CEP162: variants seen among roughly 807,000 people sequenced by gnomAD.
The protein encoded by CEP162 is centrosomal protein 162, also known as centrosomal protein of 162 kDa.
Under a neutral mutation model 169.2 loss-of-function variants are expected in CEP162, and 141 were observed. The observed-to-expected ratio is 0.83, with a 90% CI of 0.73 to 0.96. CEP162 has a LOEUF of 0.96. Among genes scored for constraint, CEP162 ranks in the 40% least tolerant of loss-of-function variants. CEP162 has a pLI of 0.00. For missense variants in CEP162, 1,600 were observed against 1,587.2 expected, an observed-to-expected ratio of 1.01 and a Z score of -0.14; for synonymous variants, 540 against 526.4, an observed-to-expected ratio of 1.03 and a Z score of -0.35.
rs2099544547 is a variant in CEP162 at position 84,201,616 on chromosome 6, T to TATTG, written c.718+120_718+121insCAAT. ...CACATTATTGAGAAAAGCTAGGAAC[T>TATTG]TCAATGCCTTAGAAATATTTAAAAA... On this transcript the variant is annotated intron_variant, in intron 8 of 26. Coordinates refer to ENST00000403245, the MANE Select transcript of CEP162 (RefSeq NM_014895.4). The TATTG allele has an allele frequency of 1.2e-5, 7 of 596,954 alleles. No individual in the cohort carries two copies. In the East Asian group the frequency reaches 2.2e-4, roughly 19 times the overall value. The allele number at this position is 596,954 out of a possible 1,614,324, so 37.0% of individuals were successfully genotyped here. A position where few individuals can be genotyped will look rare whatever the true frequency, so the allele number is the denominator to read the frequency against.
At chr6:84,195,635 G>A (rs1277722379) in intron 9 of CEP162, among the ~76,000 whole-genome samples, 2 of 152,194 alleles carry the variant, frequency 1.3e-5, no homozygotes, top group Non-Finnish European at 2.9e-5. Flanking sequence ...TTAGCCAAAA[G>A]GCAGAGAAGT....
chr6:84,155,256 G>A (rs768585721), intron 22 of CEP162, 42 bp downstream of exon 22: 1 of 1,473,016 alleles, frequency 6.8e-7, no homozygotes, highest in Non-Finnish European at 9.5e-7. Flanking sequence ...TGCCCCCATT[G>A]TTCATCTCTG....
intron 25 of CEP162, among the ~76,000 whole-genome samples, chr6:84,134,465 CCCT>C (rs1463623962): frequency 6.6e-6 from 1 of 152,170 alleles, no homozygotes; most frequent in Non-Finnish European, 1.5e-5. Context: ...AAACCCAGGG[CCCT>C]GGTGGCGTAG....
intron 13 of CEP162, among the ~76,000 whole-genome samples, chr6:84,182,947 T>G (rs1011424720): frequency 1.3e-5 from 2 of 152,172 alleles, no homozygotes; most frequent in Admixed American, 6.5e-5. Flanking sequence ...CTCTGCTTCT[T>G]GGAGAACTCA....
chr6:84,126,422 G>A lies in CEP162; in HGVS notation c.3961C>T (p.Gln1321Ter), dbSNP rs774134586. 1.9e-6 allele frequency: 3 copies of A among 1,602,072 alleles called. No homozygotes were observed. Among genetic ancestry groups the A allele is most frequent in the South Asian group, 2.3e-5 (2 of 88,864 alleles). The change falls in exon 26 of 27, where the codon CAG becomes TAG. Residue 1321 changes from glutamine (Q) to a stop codon, truncating the protein, a stop_gained. Coordinates refer to ENST00000403245, the MANE Select transcript of CEP162 (RefSeq NM_014895.4). LOFTEE classifies it high-confidence loss of function. ...HFVGLEKKIK[Q>*]MEMRHAQREQ... ...CTTTGTGCATGTCTCATTTCCATCT[G>A]CTTAATTTTCTTTTCTAAGCCCACG...
Position 84,124,964 on chromosome 6 carries a change from T to A in CEP162, c.*106A>T, listed in dbSNP as rs2099508316. 1 of 859,150 alleles carries A rather than the reference T, an allele frequency of 1.2e-6. No individual in the cohort carries two copies. The highest frequency in any genetic ancestry group is 1.8e-6 in the Non-Finnish European group (1 of 551,842). 53.2% of individuals were successfully genotyped at this position (859,150 alleles called of 1,614,324 possible). A position where few individuals can be genotyped will look rare whatever the true frequency, so the allele number is the denominator to read the frequency against. On this transcript the variant is annotated 3_prime_UTR_variant, in exon 27 of 27. Transcript: ENST00000403245. ...AATGTTGCTTTGGTTGTTTGCTTTCTGGAAACATATTGGAACACTTGTTTT... is the reference window on the plus strand; with the variant it reads ...AATGTTGCTTTGGTTGTTTGCTTTCAGGAAACATATTGGAACACTTGTTTT...
chr6:84,157,028 G>C (rs2099523494), intron 21 of CEP162, among the ~76,000 whole-genome samples: 1 of 152,098 alleles, frequency 6.6e-6, no homozygotes, highest in Non-Finnish European at 1.5e-5. Flanking sequence ...CATTATTTGG[G>C]TAGTGGCTAC....
intron 18 of CEP162, among the ~76,000 whole-genome samples, chr6:84,165,488 AC>A (rs1334084882): frequency 6.6e-6 from 1 of 152,014 alleles, no homozygotes; most frequent in East Asian, 1.9e-4. Context: ...TCTGTCTCCC[AC>A]AAACTTCAGT....
At chr6:84,135,135 T>C (rs111697431) in intron 25 of CEP162, among the ~76,000 whole-genome samples, 105 of 152,208 alleles carry the variant, frequency 6.9e-4, no homozygotes, top group Non-Finnish European at 1.3e-3. Context: ...GTAGTGGGAT[T>C]ATAGTGATTT....
At chr6:84,217,181 A>C (rs1341741817) in intron 3 of CEP162, among the ~76,000 whole-genome samples, 3 of 152,236 alleles carry the variant, frequency 2.0e-5, no homozygotes, top group Non-Finnish European at 4.4e-5. Context: ...GTGAATAAAA[A>C]AAAACAAAAA....
chr6:84,209,451 T>C (rs1052690846), intron 6 of CEP162, among the ~76,000 whole-genome samples: 1 of 151,858 alleles, frequency 6.6e-6, no homozygotes, highest in Non-Finnish European at 1.5e-5. Context: ...CTCGGCTCAC[T>C]GCAACCTCTG....
chr6:84,173,541 CA>C (rs2099531049), intron 16 of CEP162, among the ~76,000 whole-genome samples: 1 of 152,126 alleles, frequency 6.6e-6, no homozygotes, highest in South Asian at 2.1e-4. Flanking sequence ...AGCTAAGACT[CA>C]AAACCACATT....
At chr6:84,158,397 C>T (rs534111657) in intron 21 of CEP162, among the ~76,000 whole-genome samples, 3 of 152,214 alleles carry the variant, frequency 2.0e-5, no homozygotes, top group South Asian at 4.1e-4. Context: ...CTTAAGAGTG[C>T]CCAGCATATA....
In CEP162 at chr6:84,193,823, G is replaced by A. The variant is rs58451016; in HGVS notation, c.1028-133C>T. On this transcript the variant is annotated intron_variant, in intron 10 of 26. Coordinates refer to ENST00000403245, the MANE Select transcript of CEP162 (RefSeq NM_014895.4). ...GTACATGCAATAAACCTAGTTTTCC[G>A]TCTTAAGTTTCCTTATACCAGGAAA... The A allele has an allele frequency of 1.5e-3, 749 of 484,984 alleles. 6 individuals carry two copies. The highest frequency in any genetic ancestry group is 0.011 in the African/African-American group (584 of 50,912). 30.0% of individuals were successfully genotyped at this position (484,984 alleles called of 1,614,324 possible).
chr6:84,216,664 T>TA (rs1184920230), intron 3 of CEP162, among the ~76,000 whole-genome samples: 1 of 152,218 alleles, frequency 6.6e-6, no homozygotes, highest in Non-Finnish European at 1.5e-5. Context: ...AGATATTTCT[T>TA]AGACATTATT....
chr6:84,202,216 T>C (rs2099544807), intron 7 of CEP162, among the ~76,000 whole-genome samples: 1 of 152,176 alleles, frequency 6.6e-6, no homozygotes, highest in Non-Finnish European at 1.5e-5. Flanking sequence ...TTTCAAAAGA[T>C]ACAACTTTCA....
chr6:84,145,569 T>TTATC (rs1214437725), intron 25 of CEP162, among the ~76,000 whole-genome samples: 3 of 152,114 alleles, frequency 2.0e-5, no homozygotes, highest in South Asian at 2.1e-4. Context: ...CCTTGTTTTT[T>TTATC]TATCTCTGGG....
intron 5 of CEP162, among the ~76,000 whole-genome samples, chr6:84,214,540 G>A (rs148008853): frequency 4.6e-5 from 7 of 152,156 alleles, no homozygotes; most frequent in Non-Finnish European, 7.4e-5. Context: ...CTCAGACCCC[G>A]CAAAGTTCAT....
Position 84,195,095 on chromosome 6 carries a change from C to G in CEP162, c.836-20G>C, listed in dbSNP as rs1369814042. 1 of 1,521,160 alleles carries G rather than the reference C, an allele frequency of 6.6e-7. No homozygotes were observed. Among genetic ancestry groups the G allele is most frequent in the Non-Finnish European group, 8.9e-7 (1 of 1,128,784 alleles). 94.2% of individuals were successfully genotyped at this position (1,521,160 alleles called of 1,614,324 possible). A position where few individuals can be genotyped will look rare whatever the true frequency, so the allele number is the denominator to read the frequency against. ...AAACACCTGTTGAAATAAACGTAAT[C>G]ACCAGAAATAATTACATCACAAATA... On this transcript the variant is annotated intron_variant, in intron 9 of 26. Transcript: ENST00000403245.
Sources: gnomAD v4.1 joint callset for allele counts (sites outside exome capture counted in the v4.1 genomes callset) on GRCh38, gnomAD v4.1.1 for gene constraint, MANE v1.5 for transcripts, NCBI Gene and HGNC (gene_info 2026-07-23, HGNC 2026-07-21) for gene names.